Variants in MCCC2 observed in about 807,000 individuals in gnomAD.
MCCC2 encodes the protein methylcrotonoyl-CoA carboxylase beta chain, mitochondrial.
A neutral mutation model predicts 77.2 loss-of-function variants in MCCC2; 52 were observed. The observed-to-expected ratio is 0.67, with a 90% CI of 0.54 to 0.85. MCCC2 has a LOEUF of 0.85. MCCC2 is among the 40% of genes least tolerant of loss of function. The pLI is 0.00. For missense variants in MCCC2, 682 were observed against 703.2 expected (o/e 0.97, Z 0.34); for synonymous variants, 253 against 248.4 (o/e 1.02, Z -0.18).
chr5:71,599,623 G>C (rs773005543), intron 3 of MCCC2, 36 bp from the exon 4 acceptor site: 1 of 1,519,042 alleles, frequency 6.6e-7, no homozygotes, highest in African/African-American at 1.4e-5. Context: ...AGTTTTTAAT[G>C]ACATTAATTC....
At chr5:71,595,790 G>A (rs1745163409) in intron 2 of MCCC2, among the ~76,000 whole-genome samples, 1 of 152,134 alleles carries the variant, frequency 6.6e-6, no homozygotes, top group Admixed American at 6.5e-5. Context: ...TTGCTAAAGT[G>A]TTCAACTCAC....
intron 2 of MCCC2, among the ~76,000 whole-genome samples, chr5:71,593,702 A>T (rs1043733640): frequency 1.3e-5 from 2 of 152,042 alleles, no homozygotes; most frequent in Non-Finnish European, 2.9e-5. Context: ...ATTTCTTAGT[A>T]GGCATTTAAT....
chr5:71,628,170 C>G (rs1490774728), intron 7 of MCCC2, among the ~76,000 whole-genome samples: 3 of 152,102 alleles, frequency 2.0e-5, no homozygotes, highest in African/African-American at 7.2e-5. Context: ...TGCCTGTTGG[C>G]CATTTGTATG....
At chr5:71,604,582 CTT>C (rs35873168) in intron 6 of MCCC2, 114 bp downstream of exon 6, 1,152 of 662,360 alleles carry the variant, frequency 1.7e-3, no homozygotes, top group Middle Eastern at 3.8e-3. Flanking sequence ...AAAATCTAAT[CTT>C]TTTTTTTTTT....
At chr5:71,607,732 C>T (rs277924) in intron 6 of MCCC2, among the ~76,000 whole-genome samples, 62,327 of 148,184 alleles carry the variant, frequency 0.42, 13,459 homozygotes, top group South Asian at 0.46. Flanking sequence ...AAATTTCCCT[C>T]TACACACTGT....
intron 15 of MCCC2, among the ~76,000 whole-genome samples, chr5:71,651,532 G>A (rs1747437883): frequency 6.6e-6 from 1 of 152,194 alleles, no homozygotes; most frequent in South Asian, 2.1e-4. Flanking sequence ...CTCATTATGG[G>A]AAGGGATGGA....
chr5:71,646,752 T>G (rs1747284411), intron 13 of MCCC2, among the ~76,000 whole-genome samples: 1 of 152,210 alleles, frequency 6.6e-6, no homozygotes, highest in African/African-American at 2.4e-5. Context: ...TTTACTCCTG[T>G]GTGTGCACAG....
At chr5:71,594,005 G>T (rs540681261) in intron 2 of MCCC2, among the ~76,000 whole-genome samples, 25 of 152,264 alleles carry the variant, frequency 1.6e-4, no homozygotes, top group African/African-American at 5.5e-4. Context: ...GGGAGCTCAA[G>T]TGATCTTCTT....
In MCCC2 at chr5:71,652,718, T is replaced by G; in HGVS notation, c.1538T>G (p.Phe513Cys). 1 of 1,614,192 alleles carries G rather than the reference T, an allele frequency of 6.2e-7. No homozygotes were observed. The highest frequency in any genetic ancestry group is 2.2e-5 in the East Asian group (1 of 44,886). ...AALKEPIIKKFEEEGNPYYSS... is the reference protein window; with the variant it reads ...AALKEPIIKKCEEEGNPYYSS... The stretch of plus-strand genomic sequence containing the variant: ...TTAAAAGAGCCCATCATTAAGAAGT[T>G]TGAAGAGGAAGGAAACCCTTACTAT... The change falls in exon 16 of 17, where the codon TTT (phenylalanine) becomes TGT (cysteine). Residue 513 changes from phenylalanine to cysteine, a missense_variant. Phe to Cys is a radical substitution (Grantham distance 205). Coordinates refer to ENST00000340941, the MANE Select transcript of MCCC2 (RefSeq NM_022132.5).
intron 2 of MCCC2, among the ~76,000 whole-genome samples, chr5:71,593,994 C>G (rs552518947): frequency 6.6e-6 from 1 of 152,064 alleles, no homozygotes; most frequent in African/African-American, 2.4e-5. Context: ...GACTCGAAGT[C>G]GGGAGCTCAA....
rs1747269826 is a variant in MCCC2, at chr5:71,646,221, T to G, written c.1160T>G (p.Phe387Cys). The stretch of plus-strand genomic sequence containing the variant: ...GTTATTTGCTTATAGGGTACTCACT[T>G]TGTCCAGTTATGCTGCCAAAGAAAT... ...FSESAKKGTH[F>C]VQLCCQRNIP... Residue 387 changes from phenylalanine to cysteine, a missense_variant, in exon 13 of 17, where the codon TTT (phenylalanine) becomes TGT (cysteine). Coordinates refer to ENST00000340941, the MANE Select transcript of MCCC2 (RefSeq NM_022132.5). The G allele has an allele frequency of 1.2e-6, 2 of 1,613,850 alleles. No homozygotes were observed. Among genetic ancestry groups the G allele is most frequent in the African/African-American group, 2.7e-5 (2 of 75,032 alleles).
chr5:71,596,858 C>T (rs907866825), intron 3 of MCCC2, among the ~76,000 whole-genome samples: 1 of 151,768 alleles, frequency 6.6e-6, no homozygotes, highest in African/African-American at 2.4e-5. Context: ...GAGAGTCGCT[C>T]GAACCCCAGA....
At chr5:71,626,848 G>A in intron 7 of MCCC2, 95 bp downstream of exon 7, 1 of 1,134,264 alleles carries the variant, frequency 8.8e-7, no homozygotes, top group Non-Finnish European at 1.3e-6. Flanking sequence ...AAAATATTGT[G>A]ATAAAATATG....
chr5:71,616,738 C>A (rs1449221307), intron 6 of MCCC2, among the ~76,000 whole-genome samples: 1 of 152,142 alleles, frequency 6.6e-6, no homozygotes, highest in Non-Finnish European at 1.5e-5. Context: ...CCTTTTAGGT[C>A]AAAAATATAC....
In MCCC2 at chr5:71,640,272, C is replaced by CT. The variant is rs1363496817; in HGVS notation, c.1000-725dup. On this transcript the variant is annotated intron_variant, in intron 10 of 16. Coordinates refer to ENST00000340941, the MANE Select transcript of MCCC2 (RefSeq NM_022132.5). The stretch of plus-strand genomic sequence containing the variant: ...GTTAGCACTTTATTTTTATTTTTTA[C>CT]TTTTTTATTTTTCTTTTTTCTACCC... 2.0e-5 allele frequency among the ~76,000 whole-genome samples: 3 copies of CT among 150,604 alleles called. No individual in the cohort carries two copies. The East Asian group carries it at 5.9e-4, about 30-fold the overall frequency.
At chr5:71,588,268 C>CAA (rs11309257) in intron 1 of MCCC2, among the ~76,000 whole-genome samples, 7 of 100,638 alleles carry the variant, frequency 7.0e-5, no homozygotes, top group Non-Finnish European at 8.2e-5. Flanking sequence ...AACTCTGTCT[C>CAA]AAAAAAAAAA....
chr5:71,649,241 G>T lies in MCCC2; in HGVS notation c.1361G>T (p.Gly454Val). ...SYGAGNYGMC[G>V]RAYSPRFLYI... ...GGAGCCGGAAACTATGGGATGTGTG[G>T]CAGAGCATATAGGTAGGTGTCATGA... is the stretch of plus-strand genomic sequence containing the variant. The change falls in exon 14 of 17, where the codon GGC becomes GTC. Residue 454 changes from glycine to valine, a missense_variant. By Grantham distance (109) the Gly-to-Val change is moderately radical (BLOSUM62 -3). Coordinates refer to ENST00000340941, the MANE Select transcript of MCCC2 (RefSeq NM_022132.5). 6.2e-7 allele frequency: 1 copy of T among 1,614,048 alleles called. No homozygotes were observed. Among genetic ancestry groups the T allele is most frequent in the Non-Finnish European group, 8.5e-7 (1 of 1,179,888 alleles).
chr5:71,625,981 T>C (rs894854599), intron 6 of MCCC2, among the ~76,000 whole-genome samples: 4 of 152,190 alleles, frequency 2.6e-5, no homozygotes, highest in Admixed American at 1.3e-4. Context: ...GCCAAACCTA[T>C]ATTTATTATT....
intron 4 of MCCC2, 55 bp from the exon 5 acceptor site, chr5:71,602,447 GTAAT>G: frequency 5.0e-6 from 8 of 1,608,564 alleles, no homozygotes; most frequent in Non-Finnish European, 6.0e-6. Flanking sequence ...TGTAATGAGT[GTAAT>G]TAGTTTTGAA....
Sources: allele counts gnomAD v4.1 joint callset (sites outside exome capture counted in the v4.1 genomes callset), GRCh38; gene constraint gnomAD v4.1.1; transcripts MANE v1.5; gene names NCBI Gene and HGNC (gene_info 2026-07-23, HGNC 2026-07-21).